ZNF77: variants seen among roughly 807,000 people sequenced by gnomAD.
ZNF77 encodes the protein zinc finger protein 77.
ZNF77 carries 15 observed loss-of-function variants against 13.5 expected under a neutral mutation model. That is an observed-to-expected ratio of 1.11 (90% CI 0.74 to 1.71). The LOEUF is 1.71. Among genes scored for constraint, ZNF77 ranks in the 40% most tolerant of loss-of-function variants. The pLI is 0.00. For missense variants in ZNF77, 717 were observed against 676.4 expected (o/e 1.06, Z -0.67); for synonymous variants, 282 against 250.0 (o/e 1.13, Z -1.21).
chr19:2,936,429 G>A (rs374304825), intron 3 of ZNF77, 95 bp downstream of exon 3: 29 of 1,365,096 alleles, frequency 2.1e-5, no homozygotes, highest in South Asian at 1.7e-4. Context: ...GATTACAGGC[G>A]CGAGCCCCTG....
chr19:2,935,598 T>G (rs1324742019), intron 3 of ZNF77, among the ~76,000 whole-genome samples: 1 of 152,052 alleles, frequency 6.6e-6, no homozygotes, highest in Non-Finnish European at 1.5e-5. Context: ...CCCAAAGTGC[T>G]GGGATTACAG....
chr19:2,942,041 A>G (rs1209223506), intron 1 of ZNF77, among the ~76,000 whole-genome samples: 6 of 123,832 alleles, frequency 4.8e-5, no homozygotes, highest in Non-Finnish European at 1.1e-4. Context: ...TGCCCTCACT[A>G]AGGACAAGAA....
chr19:2,943,692 A>ATTTTTTTTTTTTTTT (rs10633206), intron 1 of ZNF77, among the ~76,000 whole-genome samples: 103 of 76,736 alleles, frequency 1.3e-3, no homozygotes, highest in East Asian at 2.4e-3. Context: ...TCTAGCCAGG[A>ATTTTTTTTTTTTTTT]TTTTTTTTTT....
chr19:2,942,362 G>A (rs1312217850), intron 1 of ZNF77, among the ~76,000 whole-genome samples: 3 of 137,394 alleles, frequency 2.2e-5, no homozygotes, highest in Non-Finnish European at 4.6e-5. Context: ...GAGCCACCGC[G>A]CCCGGCTCTT....
intron 2 of ZNF77, 107 bp from the exon 3 acceptor site, chr19:2,936,811 T>C: frequency 9.9e-7 from 1 of 1,005,352 alleles, no homozygotes; most frequent in Non-Finnish European, 1.4e-6. Flanking sequence ...GTACCGTTTA[T>C]AAGGAAGAAT....
Position 2,934,702 on chromosome 19 carries a change from G to C in ZNF77, c.425C>G (p.Ser142Cys). Reference sequence around the variant, plus strand: ...GGCTTTGCCACACTTAGTGCACTCAGAGGGTTTAGCTTCGGTAGGGTAACT... The same window carrying C: ...GGCTTTGCCACACTTAGTGCACTCACAGGGTTTAGCTTCGGTAGGGTAACT... ...HKSYPTEAKP[S>C]ECTKCGKAFE... The change falls in exon 4 of 4, where the codon TCT becomes TGT. Residue 142 changes from serine (S) to cysteine (C), a missense_variant. By Grantham distance (112) the Ser-to-Cys change is moderately radical. Coordinates refer to ENST00000314531, the MANE Select transcript of ZNF77 (RefSeq NM_021217.3). The C allele has an allele frequency of 5.6e-6, 9 of 1,614,194 alleles. No homozygotes were observed. The highest frequency in any genetic ancestry group is 7.6e-6 in the Non-Finnish European group (9 of 1,180,048).
intron 3 of ZNF77, among the ~76,000 whole-genome samples, chr19:2,935,250 C>T (rs545261533): frequency 6.6e-6 from 1 of 151,340 alleles, no homozygotes; most frequent in Admixed American, 6.6e-5. Context: ...GATCTCCTGA[C>T]CTCGTGATCC....
At chr19:2,941,038 G>A (rs1555680707) in intron 1 of ZNF77, among the ~76,000 whole-genome samples, 1 of 151,956 alleles carries the variant, frequency 6.6e-6, no homozygotes, top group Non-Finnish European at 1.5e-5. Flanking sequence ...AGCCAGGCAT[G>A]GTGGGGCACA....
Position 2,934,737 on chromosome 19 carries a change from A to T in ZNF77, c.390T>A (p.Leu130=), listed in dbSNP as rs370482775. 2 of 1,614,166 alleles carry T rather than the reference A, an allele frequency of 1.2e-6. No homozygotes were observed. Among genetic ancestry groups the T allele is most frequent in the Admixed American group, 3.3e-5 (2 of 60,002 alleles). The stretch of plus-strand genomic sequence containing the variant: ...CTTCGGTAGGGTAACTCTTGTGCAC[A>T]AGAAGGTTCGCAGTCTGGCTCAAGG... ...GETLSQTANL[L]VHKSYPTEAK... Residue 130 remains leucine (L), a synonymous_variant, in exon 4 of 4, where the codon CTT becomes CTA. Transcript: ENST00000314531.
intron 1 of ZNF77, among the ~76,000 whole-genome samples, chr19:2,940,939 C>T (rs2088443513): frequency 6.6e-6 from 1 of 152,050 alleles, no homozygotes; most frequent in Admixed American, 6.6e-5. Context: ...CTTTGGGAGA[C>T]TGAGGTGGGA....
rs141276373 is a variant in ZNF77, at chr19:2,938,772, C to T, written c.130+509G>A. 1.7e-3 allele frequency among the ~76,000 whole-genome samples: 257 copies of T among 152,078 alleles called. 1 individual carries two copies. The highest frequency in any genetic ancestry group is 2.4e-3 in the Non-Finnish European group (161 of 67,964). ...GAGATCGAGACCATCCTGGCTAACA[C>T]GGTGAAACCCCATCTCTACTAAAGC... On this transcript the variant is annotated intron_variant, in intron 2 of 3. Coordinates refer to ENST00000314531, the MANE Select transcript of ZNF77 (RefSeq NM_021217.3).
At chr19:2,940,868 A>C (rs115253886) in intron 1 of ZNF77, among the ~76,000 whole-genome samples, 1 of 151,794 alleles carries the variant, frequency 6.6e-6, no homozygotes, top group African/African-American at 2.4e-5. Flanking sequence ...ACATGTGTTC[A>C]ATTTTATAAT....
intron 2 of ZNF77, among the ~76,000 whole-genome samples, chr19:2,937,856 A>C (rs921494465): frequency 3.9e-5 from 6 of 152,112 alleles, no homozygotes; most frequent in Non-Finnish European, 7.4e-5. Flanking sequence ...TCCTGGGTTC[A>C]AGCAATTCTC....
intron 1 of ZNF77, 143 bp downstream of exon 1, chr19:2,944,695 G>T: frequency 8.0e-7 from 1 of 1,244,054 alleles, no homozygotes; most frequent in Non-Finnish European, 1.1e-6. Flanking sequence ...CGGCCGCTGT[G>T]ACCACGTCCC....
intron 2 of ZNF77, among the ~76,000 whole-genome samples, chr19:2,937,360 C>T (rs992159629): frequency 6.6e-6 from 1 of 152,076 alleles, no homozygotes; most frequent in African/African-American, 2.4e-5. Context: ...TGGCACGTGC[C>T]TGTAATCCCA....
At position 2,939,368 on chromosome 19, in the gene ZNF77, G is replaced by A. The variant is rs140838873; in HGVS notation, c.43C>T (p.Pro15Ser). 8.7e-6 allele frequency: 14 copies of A among 1,613,998 alleles called. No individual in the cohort carries two copies. In the African/African-American group the frequency reaches 1.6e-4, roughly 18 times the overall value. ...TGATCCAGCAATGCCCACTCTTCTGGGGTGAAGTTCACAGCCACTTCCTCA... is the reference window on the plus strand; with the variant it reads ...TGATCCAGCAATGCCCACTCTTCTGAGGTGAAGTTCACAGCCACTTCCTCA... Reference protein sequence around the residue: ...IFEEVAVNFTPEEWALLDHAQ... With the variant: ...IFEEVAVNFTSEEWALLDHAQ... Residue 15 changes from proline to serine, a missense_variant, in exon 2 of 4, where the codon CCA becomes TCA. Physicochemically the swap from Pro to Ser is moderately conservative, Grantham distance 74. Transcript: ENST00000314531.
At chr19:2,936,379 C>T (rs572650335) in intron 3 of ZNF77, 145 bp downstream of exon 3, 4 of 776,122 alleles carry the variant, frequency 5.2e-6, no homozygotes, top group East Asian at 3.1e-5. Flanking sequence ...GAACTACTAA[C>T]CTCAGGTGAT....
intron 1 of ZNF77, among the ~76,000 whole-genome samples, chr19:2,943,197 CCT>C (rs2088465338): frequency 6.6e-6 from 1 of 152,034 alleles, no homozygotes; most frequent in African/African-American, 2.4e-5. Flanking sequence ...TCCCCATGCC[CCT>C]GTTGCTTATA....
intron 3 of ZNF77, 140 bp from the exon 4 acceptor site, chr19:2,934,955 T>C (rs1246090624): frequency 2.3e-5 from 26 of 1,132,816 alleles, no homozygotes; most frequent in Non-Finnish European, 2.9e-5. Context: ...CTGCCTGGTT[T>C]CTATGGAGAA....
Sources: gnomAD v4.1 joint callset for allele counts (sites outside exome capture counted in the v4.1 genomes callset) on GRCh38, gnomAD v4.1.1 for gene constraint, MANE v1.5 for transcripts, NCBI Gene and HGNC (gene_info 2026-07-23, HGNC 2026-07-21) for gene names.